ENKUR: variants seen among roughly 807,000 people sequenced by gnomAD.
ENKUR encodes enkurin.
Under a neutral mutation model 27.6 loss-of-function variants are expected in ENKUR, and 19 were observed. The ratio of observed to expected loss-of-function variants is 0.69; its 90% confidence interval spans 0.48 to 1.01. The LOEUF (loss-of-function observed/expected upper bound fraction) is 1.01. Ranked by LOEUF, ENKUR falls within the 50% of genes least tolerant of loss-of-function variation. The probability of loss-of-function intolerance (pLI) is 0.00; values close to 1 mark genes in which losing one functional copy is unlikely to be tolerated. For missense variants in ENKUR, 312 were observed against 310.5 expected, an observed-to-expected ratio of 1.00 and a Z score of -0.04; for synonymous variants, 117 against 96.9, an observed-to-expected ratio of 1.21 and a Z score of -1.22.
intron 2 of ENKUR, among the ~76,000 whole-genome samples, chr10:25,053,792 A>AT (rs35581910): frequency 0.023 from 3,542 of 152,064 alleles, 159 homozygotes; most frequent in African/African-American, 0.082. Flanking sequence ...CCCAGCACTG[A>AT]TTTTTTTTAA....
chr10:25,042,044 T>C (rs1851070185), intron 2 of ENKUR, among the ~76,000 whole-genome samples: 1 of 152,142 alleles, frequency 6.6e-6, no homozygotes, highest in Non-Finnish European at 1.5e-5. Flanking sequence ...ATATCAAGGT[T>C]AATTTTTCTA....
intron 1 of ENKUR, among the ~76,000 whole-genome samples, chr10:25,005,045 G>A (rs1033293906): frequency 6.6e-6 from 1 of 152,126 alleles, no homozygotes; most frequent in Non-Finnish European, 1.5e-5. Flanking sequence ...TGTTTGTCGG[G>A]TTTGTCAAGG....
intron 1 of ENKUR, among the ~76,000 whole-genome samples, chr10:25,004,257 T>C (rs547888432): frequency 6.6e-6 from 1 of 152,330 alleles, no homozygotes; most frequent in African/African-American, 2.4e-5. Flanking sequence ...TGTGTCTTTA[T>C]AATAGAACAA....
chr10:25,059,677 C>T (rs939425901), intron 2 of ENKUR, among the ~76,000 whole-genome samples: 4 of 152,060 alleles, frequency 2.6e-5, no homozygotes, highest in Non-Finnish European at 5.9e-5. Flanking sequence ...ATTTTAGGGC[C>T]AGGCATGGTG....
intron 2 of ENKUR, among the ~76,000 whole-genome samples, chr10:25,033,539 G>A (rs375147184): frequency 7.3e-5 from 11 of 150,992 alleles, no homozygotes; most frequent in East Asian, 3.9e-4. Flanking sequence ...TCAACTTTGC[G>A]TAACCCTTTC....
At chr10:25,025,195 T>G (rs1850823491) in intron 2 of ENKUR, 2 of 1,614,194 alleles carry the variant, frequency 1.2e-6, no homozygotes, top group Non-Finnish European at 1.7e-6. Context: ...AGACAAAACT[T>G]GCCCTGTGAT....
chr10:25,031,800 CTTT>C (rs34772445), intron 2 of ENKUR, among the ~76,000 whole-genome samples: 1 of 130,144 alleles, frequency 7.7e-6, no homozygotes, highest in African/African-American at 2.8e-5. Context: ...ATACAAAAGT[CTTT>C]TTTTTTTTTT....
At chr10:25,022,528 T>C (rs898878666) in intron 2 of ENKUR, among the ~76,000 whole-genome samples, 4 of 152,240 alleles carry the variant, frequency 2.6e-5, no homozygotes, top group Non-Finnish European at 1.5e-5. Flanking sequence ...ACAATGATTC[T>C]TAATATGCGT....
At chr10:25,025,808 C>G (rs1850839747) in intron 2 of ENKUR, 1 of 201,614 alleles carries the variant, frequency 5.0e-6, no homozygotes, top group African/African-American at 2.4e-5. Context: ...TTTTCAGGTA[C>G]TACATCTGTA....
chr10:24,997,064 C>A (rs1205472976), intron 2 of ENKUR, among the ~76,000 whole-genome samples: 1 of 152,132 alleles, frequency 6.6e-6, no homozygotes, highest in South Asian at 2.1e-4. Context: ...AAGAAACCAA[C>A]CCTGCTGCGT....
At chr10:25,026,064 A>C (rs867478821) in intron 2 of ENKUR, 1 of 154,028 alleles carries the variant, frequency 6.5e-6, no homozygotes, top group Middle Eastern at 3.4e-3. Context: ...TTTTTAATAG[A>C]GATGAGGTTT....
Position 24,984,952 on chromosome 10 carries a change from G to A in ENKUR, c.595-47C>T, listed in dbSNP as rs749850422. 4 of 1,460,596 alleles carry A rather than the reference G, an allele frequency of 2.7e-6. No homozygotes were observed. In the African/African-American group the frequency reaches 5.7e-5, roughly 21 times the overall value. The allele number at this position is 1,460,596 out of a possible 1,614,324, so 90.5% of individuals were successfully genotyped here. On this transcript the variant is annotated intron_variant, in intron 4 of 5. Transcript: ENST00000331161. ...GTAAATACCAAAGCAAACTGCAAAA[G>A]TAAAGGAAATGGGAAAAGCTAATTG...
At chr10:25,037,092 G>A (rs534312977) in intron 2 of ENKUR, among the ~76,000 whole-genome samples, 2 of 152,322 alleles carry the variant, frequency 1.3e-5, no homozygotes, top group African/African-American at 4.8e-5. Context: ...ACTTTGCCTG[G>A]AACAAAGAGT....
upstream of ENKUR, chr10:25,016,217 T>C (rs1398927376): frequency 1.4e-5 from 16 of 1,124,708 alleles, no homozygotes; most frequent in Non-Finnish European, 1.7e-5. Context: ...CACCGCAAAC[T>C]AGGTCTCCCC....
chr10:25,038,749 T>G (rs1258655930), intron 2 of ENKUR, among the ~76,000 whole-genome samples: 1 of 152,218 alleles, frequency 6.6e-6, no homozygotes, highest in Non-Finnish European at 1.5e-5. Flanking sequence ...TGAACGCTGG[T>G]TATCAGCACC....
Position 24,984,789 on chromosome 10 carries a change from T to C in ENKUR, c.711A>G (p.Leu237=), listed in dbSNP as rs368417441. 14 of 1,613,946 alleles carry C rather than the reference T, an allele frequency of 8.7e-6. No homozygotes were observed. Among genetic ancestry groups the C allele is most frequent in the Non-Finnish European group, 1.0e-5 (12 of 1,179,938 alleles). Residue 237 remains leucine (L), a synonymous_variant, in exon 5 of 6, where the codon CTA becomes CTG. Transcript: ENST00000331161. The stretch of plus-strand genomic sequence containing the variant: ...TTTCAATTATGCCAATGTCGTGTTC[T>C]AGTTGTTTCATTTCTTCTTCCAGCC... The part of the protein sequence containing the change: ...KQRLEEEMKQ[L]EHDIGIIEKH...
At chr10:25,029,246 A>G (rs1850906141) in intron 2 of ENKUR, among the ~76,000 whole-genome samples, 1 of 152,222 alleles carries the variant, frequency 6.6e-6, no homozygotes, top group Non-Finnish European at 1.5e-5. Context: ...TTATGAAATG[A>G]AAATTGATTA....
intron 2 of ENKUR, chr10:25,025,797 G>C (rs1485457560): frequency 4.8e-6 from 1 of 208,186 alleles, no homozygotes; most frequent in Non-Finnish European, 1.1e-5. Context: ...TTTAAGCCCA[G>C]TTTTCAGGTA....
chr10:25,002,737 T>C (rs1354013450), intron 1 of ENKUR, among the ~76,000 whole-genome samples: 1 of 152,226 alleles, frequency 6.6e-6, no homozygotes, highest in African/African-American at 2.4e-5. Context: ...ATTGTTTTTT[T>C]CCTTTTAGGA....
Sources: gnomAD v4.1 joint callset for allele counts (sites outside exome capture counted in the v4.1 genomes callset) on GRCh38, gnomAD v4.1.1 for gene constraint, MANE v1.5 for transcripts, NCBI Gene and HGNC (gene_info 2026-07-23, HGNC 2026-07-21) for gene names.